The following GRID2 variants were observed in gnomAD, a reference collection of about 807,000 sequenced individuals.
GRID2 encodes glutamate ionotropic receptor delta type subunit 2, also known as glutamate receptor ionotropic, delta-2.
Under a neutral mutation model 114.8 loss-of-function variants are expected in GRID2, and 33 were observed. The ratio of observed to expected loss-of-function variants is 0.29; its 90% CI spans 0.22 to 0.38. GRID2 has a LOEUF of 0.38. GRID2 is among the 10% of genes least tolerant of loss of function. GRID2 has a pLI of 1.00. For missense variants in GRID2, 1,184 were observed against 1,257.7 expected (o/e 0.94, Z 0.89); for synonymous variants, 505 against 449.9 (o/e 1.12, Z -1.55).
chr4:93,656,013 A>C (rs1722959490), intron 14 of GRID2, among the ~76,000 whole-genome samples: 1 of 150,448 alleles, frequency 6.6e-6, no homozygotes, highest in Non-Finnish European at 1.5e-5. Flanking sequence ...GATACTTAAA[A>C]GAACTCAAAA....
chr4:92,706,951 A>G (rs114303741), intron 2 of GRID2, among the ~76,000 whole-genome samples: 3 of 152,250 alleles, frequency 2.0e-5, no homozygotes, highest in Non-Finnish European at 4.4e-5. Flanking sequence ...TCGACATACT[A>G]TATCATTTTT....
intron 14 of GRID2, among the ~76,000 whole-genome samples, chr4:93,765,610 ATATAT>A (rs1560987469): frequency 4.0e-4 from 58 of 143,972 alleles, no homozygotes; most frequent in African/African-American, 1.2e-3. Flanking sequence ...GTGAGGTATT[ATATAT>A]ATATATATAT....
intron 14 of GRID2, among the ~76,000 whole-genome samples, chr4:93,712,830 CTTA>C (rs1385676277): frequency 6.6e-6 from 1 of 152,112 alleles, no homozygotes; most frequent in Non-Finnish European, 1.5e-5. Flanking sequence ...TGCTTGAACT[CTTA>C]TTATAAGTTT....
chr4:92,608,906 C>A (rs1027511724), intron 2 of GRID2, among the ~76,000 whole-genome samples: 6 of 151,826 alleles, frequency 4.0e-5, no homozygotes, highest in Admixed American at 1.3e-4. Context: ...ATATTGAGAA[C>A]TTATAATTTG....
At chr4:92,718,673 A>T (rs542183627) in intron 2 of GRID2, among the ~76,000 whole-genome samples, 1 of 147,362 alleles carries the variant, frequency 6.8e-6, no homozygotes, top group South Asian at 2.3e-4. Context: ...TCAGGCAGGA[A>T]GATTGCTTGA....
At chr4:93,123,590 G>A (rs904178912) in intron 4 of GRID2, among the ~76,000 whole-genome samples, 4 of 152,218 alleles carry the variant, frequency 2.6e-5, no homozygotes, top group Admixed American at 1.3e-4. Context: ...CTGTAAACAC[G>A]AAGTGTGCAA....
At chr4:93,623,296 T>C (rs991529656) in intron 13 of GRID2, among the ~76,000 whole-genome samples, 1 of 149,686 alleles carries the variant, frequency 6.7e-6, no homozygotes, top group Non-Finnish European at 1.5e-5. Flanking sequence ...CCTAATGCTA[T>C]CTCTCCCCTA....
At chr4:92,497,321 T>A (rs1723437356) in intron 1 of GRID2, among the ~76,000 whole-genome samples, 1 of 151,884 alleles carries the variant, frequency 6.6e-6, no homozygotes, top group Non-Finnish European at 1.5e-5. Flanking sequence ...CTTTTCAGAC[T>A]AGGATAACAT....
At chr4:92,867,167 A>AT (rs1744928074) in intron 2 of GRID2, among the ~76,000 whole-genome samples, 1 of 152,258 alleles carries the variant, frequency 6.6e-6, no homozygotes, top group Admixed American at 6.5e-5. Flanking sequence ...TGGTTGTTAA[A>AT]TTTTTTATTA....
chr4:93,143,719 G>A (rs908872944), intron 4 of GRID2, among the ~76,000 whole-genome samples: 1 of 152,098 alleles, frequency 6.6e-6, no homozygotes, highest in Admixed American at 6.5e-5. Context: ...CTTGAAACAA[G>A]TATGAAGACT....
At chr4:92,529,158 G>A (rs1725191942) in intron 1 of GRID2, among the ~76,000 whole-genome samples, 2 of 152,006 alleles carry the variant, frequency 1.3e-5, no homozygotes, top group Non-Finnish European at 2.9e-5. Flanking sequence ...TGCTTTACAG[G>A]ACTAATCATA....
intron 2 of GRID2, among the ~76,000 whole-genome samples, chr4:92,832,298 A>G (rs1742162841): frequency 6.6e-6 from 1 of 151,980 alleles, no homozygotes; most frequent in South Asian, 2.1e-4. Context: ...AAAATAAAAA[A>G]TAAAATTAGC....
intron 2 of GRID2, among the ~76,000 whole-genome samples, chr4:92,798,670 A>T (rs1420843446): frequency 6.6e-6 from 1 of 152,032 alleles, no homozygotes; most frequent in Admixed American, 6.6e-5. Flanking sequence ...TAATAAATTC[A>T]GATCCATCAA....
At chr4:93,635,124 C>T (rs1721295284) in intron 14 of GRID2, among the ~76,000 whole-genome samples, 1 of 151,840 alleles carries the variant, frequency 6.6e-6, no homozygotes, top group Non-Finnish European at 1.5e-5. Flanking sequence ...TAACATATTC[C>T]TATTGGTATT....
intron 2 of GRID2, among the ~76,000 whole-genome samples, chr4:92,745,581 T>C (rs1036133746): frequency 7.9e-5 from 12 of 152,166 alleles, no homozygotes; most frequent in African/African-American, 2.9e-4. Context: ...GAATTTTAAA[T>C]GTGAGGTCAT....
chr4:92,735,379 A>G (rs1736543250), intron 2 of GRID2, among the ~76,000 whole-genome samples: 1 of 152,076 alleles, frequency 6.6e-6, no homozygotes, highest in African/African-American at 2.4e-5. Flanking sequence ...ATAAGATACA[A>G]CAATTATAAC....
intron 4 of GRID2, among the ~76,000 whole-genome samples, chr4:93,136,061 G>A (rs1366487362): frequency 2.0e-5 from 3 of 151,948 alleles, no homozygotes; most frequent in Non-Finnish European, 4.4e-5. Context: ...TAACCCCACA[G>A]GATAATTACT....
chr4:93,809,437 A>G (rs1422487689), exon 2 of GRID2: 1 of 152,182 alleles, frequency 6.6e-6, no homozygotes, highest in Non-Finnish European at 1.5e-5. Flanking sequence ...ATCCAAAACT[A>G]AGGCCGTATT....
At chr4:93,613,696 GA>G (rs1478206818) in intron 13 of GRID2, among the ~76,000 whole-genome samples, 2 of 144,476 alleles carry the variant, frequency 1.4e-5, no homozygotes, top group African/African-American at 5.1e-5. Flanking sequence ...CTTGCTGGGA[GA>G]ACCACTGCTC....
Sources: allele counts gnomAD v4.1 joint callset (sites outside exome capture counted in the v4.1 genomes callset), GRCh38; gene constraint gnomAD v4.1.1; transcripts MANE v1.5; gene names NCBI Gene and HGNC (gene_info 2026-07-23, HGNC 2026-07-21).